BTD: variants seen among roughly 807,000 people sequenced by gnomAD.
The protein encoded by BTD is biocytinase.
In BTD, 13 loss-of-function variants were observed where a neutral mutation model predicts 17.7. That is an observed-to-expected ratio of 0.74 (90% CI 0.48 to 1.17). The LOEUF is 1.17. Among genes scored for constraint, BTD ranks in the 50% most tolerant of loss-of-function variants. The pLI is 0.00. For missense variants in BTD, 674 were observed against 650.4 expected (o/e 1.04, Z -0.39); for synonymous variants, 240 against 245.2 (o/e 0.98, Z 0.20).
downstream of BTD, among the ~76,000 whole-genome samples, chr3:15,716,633 TAAG>T (rs1220089904): frequency 1.3e-5 from 2 of 151,852 alleles, no homozygotes; most frequent in African/African-American, 4.8e-5. Flanking sequence ...ATTCCATTGA[TAAG>T]AAGGATAAGA....
intron 1 of BTD, among the ~76,000 whole-genome samples, chr3:15,631,663 A>G (rs1373549152): frequency 6.6e-6 from 1 of 152,224 alleles, no homozygotes; most frequent in African/African-American, 2.4e-5. Flanking sequence ...AATCAGAAGC[A>G]GAGCTTCTGT....
At chr3:15,676,954 T>C (rs545958047) in intron 3 of BTD, 5 of 1,593,784 alleles carry the variant, frequency 3.1e-6, no homozygotes, top group Non-Finnish European at 4.3e-6. Flanking sequence ...AAGTTTATAC[T>C]AGATACTGAC....
intron 3 of BTD, among the ~76,000 whole-genome samples, chr3:15,704,070 A>G (rs2071004021): frequency 6.6e-6 from 1 of 152,176 alleles, no homozygotes; most frequent in African/African-American, 2.4e-5. Context: ...GACCCACATG[A>G]CATCCTGCTC....
At chr3:15,603,294 G>A (rs1364233724) in intron 1 of BTD, among the ~76,000 whole-genome samples, 10 of 152,202 alleles carry the variant, frequency 6.6e-5, no homozygotes, top group South Asian at 2.1e-4. Context: ...GCATTAACTC[G>A]AAAGTCCACA....
intron 3 of BTD, among the ~76,000 whole-genome samples, chr3:15,677,964 A>G (rs114910267): frequency 6.6e-5 from 10 of 152,116 alleles, no homozygotes; most frequent in Non-Finnish European, 2.9e-5. Flanking sequence ...CATTCAGGCA[A>G]TCCAACTCCA....
chr3:15,633,847 C>G (rs74454360), intron 1 of BTD, among the ~76,000 whole-genome samples: 11,655 of 152,266 alleles, frequency 0.077, 504 homozygotes, highest in African/African-American at 0.11. Context: ...TTAAATTATT[C>G]CTTGCTTGTC....
At chr3:15,691,269 G>A (rs570303383) in intron 3 of BTD, among the ~76,000 whole-genome samples, 1 of 152,078 alleles carries the variant, frequency 6.6e-6, no homozygotes, top group East Asian at 1.9e-4. Context: ...GATTACAGGC[G>A]CATGCCACCA....
intron 3 of BTD, among the ~76,000 whole-genome samples, chr3:15,666,166 A>G (rs1471661626): frequency 1.3e-5 from 2 of 152,226 alleles, no homozygotes; most frequent in Non-Finnish European, 1.5e-5. Context: ...CACCTGTTGC[A>G]GTCAGATTTA....
Position 15,635,595 on chromosome 3 carries a change from C to T in BTD, c.156C>T (p.Asn52=). ...VYEHPSILSL[N]PLALISRQEA... is the part of the protein sequence containing the mutation. Reference sequence around the variant, plus strand: ...AGCATCCATCCATCCTGAGTCTGAACCCTCTGGCTCTCATCAGCCGCCAAG... The same window carrying T: ...AGCATCCATCCATCCTGAGTCTGAATCCTCTGGCTCTCATCAGCCGCCAAG... Residue 52 remains asparagine, a synonymous_variant, in exon 2 of 4, where the codon AAC becomes AAT. Coordinates refer to ENST00000643237, the MANE Select transcript of BTD (RefSeq NM_001370658.1). The surrounding 1 kb of genome is among the most constrained non-coding windows in gnomAD (Gnocchi z 4.1). 1 of 1,614,180 alleles carries T rather than the reference C, an allele frequency of 6.2e-7. No individual in the cohort carries two copies. Among genetic ancestry groups the T allele is most frequent in the Non-Finnish European group, 8.5e-7 (1 of 1,180,036 alleles).
At chr3:15,685,985 A>G (rs748403382) in intron 3 of BTD, 7 of 1,596,634 alleles carry the variant, frequency 4.4e-6, no homozygotes, top group Non-Finnish European at 6.0e-6. Flanking sequence ...GAAAGGAAAG[A>G]GCATATTTCT....
chr3:15,663,057 G>A (rs1335089446), intron 3 of BTD, among the ~76,000 whole-genome samples: 2 of 151,906 alleles, frequency 1.3e-5, no homozygotes, highest in Non-Finnish European at 2.9e-5. Flanking sequence ...GAGTGCAATG[G>A]CGTGATCTTG....
intron 1 of BTD, among the ~76,000 whole-genome samples, chr3:15,626,764 G>A (rs1401411335): frequency 3.7e-5 from 5 of 135,518 alleles, no homozygotes; most frequent in Non-Finnish European, 7.6e-5. Context: ...CTGGGCAACA[G>A]AGCAAGACCC....
chr3:15,667,575 C>A, intron 3 of BTD: 1 of 152,220 alleles, frequency 6.6e-6, no homozygotes, highest in East Asian at 1.9e-4. Context: ...AAGGAAATTT[C>A]TACGGTGCTG....
At chr3:15,714,702 G>A (rs546809737), downstream of BTD, 12 of 1,381,272 alleles carry the variant, frequency 8.7e-6, no homozygotes, top group East Asian at 1.2e-4. Context: ...TATCCATAAT[G>A]TGTAAACCTT....
chr3:15,673,486 T>C (rs1449364380), intron 3 of BTD, among the ~76,000 whole-genome samples: 2 of 152,190 alleles, frequency 1.3e-5, no homozygotes, highest in African/African-American at 2.4e-5. Context: ...GGAGCTTACA[T>C]TCACTTTAGT....
Position 15,701,401 on chromosome 3 carries a change from T to C in BTD, c.400-8659T>C, listed in dbSNP as rs150246800. Among the ~76,000 whole-genome samples the C allele has an allele frequency of 3.3e-5, 5 of 152,250 alleles. No individual in the cohort carries two copies. The East Asian group carries it at 5.8e-4, about 18-fold the overall frequency. On this transcript the variant is annotated intron_variant, in intron 3 of 3. Coordinates refer to the BTD transcript ENST00000672141. Reference sequence around the variant, plus strand: ...GGCTCATGCCTGTAATCCCAGCACTTTGGGAAGCGGAGGTGGGCGGAACAC... The same window carrying C: ...GGCTCATGCCTGTAATCCCAGCACTCTGGGAAGCGGAGGTGGGCGGAACAC...
chr3:15,643,916 GA>G (rs564833018), intron 3 of BTD, among the ~76,000 whole-genome samples: 182 of 129,510 alleles, frequency 1.4e-3, no homozygotes, highest in African/African-American at 4.7e-3. Context: ...AGAAAAGAAA[GA>G]AAAAAAAAAG....
At chr3:15,677,780 A>G (rs1290658192) in intron 3 of BTD, among the ~76,000 whole-genome samples, 1 of 152,208 alleles carries the variant, frequency 6.6e-6, no homozygotes, top group Non-Finnish European at 1.5e-5. Flanking sequence ...AATGGCAATT[A>G]ACATTTATTT....
intron 3 of BTD, among the ~76,000 whole-genome samples, chr3:15,674,196 A>AAAAG (rs1470515364): frequency 1.2e-3 from 153 of 130,096 alleles, no homozygotes; most frequent in South Asian, 4.0e-3. Flanking sequence ...AAAAAAAAAA[A>AAAAG]AAGAAGAAGA....
Sources: allele counts gnomAD v4.1 joint callset (sites outside exome capture counted in the v4.1 genomes callset), GRCh38; gene constraint gnomAD v4.1.1; non-coding constraint Gnocchi (gnomAD v3.1); transcripts MANE v1.5; gene names NCBI Gene and HGNC (gene_info 2026-07-23, HGNC 2026-07-21).